The following DMD variants were observed in gnomAD, a reference collection of about 807,000 sequenced individuals.
DMD encodes dystrophin, also known as mutant dystrophin.
Under a neutral mutation model 330.1 loss-of-function variants are expected in DMD, and 63 were observed. That is an observed-to-expected ratio of 0.19 (90% CI 0.16 to 0.24). DMD has a LOEUF of 0.24. Among genes scored for constraint, DMD ranks in the 10% least tolerant of loss-of-function variants. DMD has a pLI of 1.00. For synonymous variants in DMD, 1,223 were observed against 959.8 expected (o/e 1.27, Z -5.07); for missense variants, 3,344 against 2,684.1 (o/e 1.25, Z -5.43).
At chrX:33,094,604 C>G (rs2095130667) in intron 1 of DMD, among the ~76,000 whole-genome samples, 1 of 110,841 alleles carries the variant, frequency 9.0e-6, no homozygotes, top group Admixed American at 9.6e-5. Flanking sequence ...GTCAGGAGTT[C>G]AAGACCAGCC....
At chrX:31,206,772 G>T in intron 65 of DMD, 105 bp from the exon 66 acceptor site, 1 of 627,743 alleles carries the variant, frequency 1.6e-6, no homozygotes. Flanking sequence ...AAGGAGTAAA[G>T]TGCTCAATGA....
chrX:32,580,538 A>G (rs1192838980), intron 13 of DMD, among the ~76,000 whole-genome samples: 1 of 111,803 alleles, frequency 8.9e-6, no homozygotes, highest in African/African-American at 3.3e-5. Context: ...GGTCAGATAG[A>G]TCAATAAATG....
intron 44 of DMD, among the ~76,000 whole-genome samples, chrX:32,141,657 A>C (rs1402865552): frequency 2.1e-5 from 2 of 95,609 alleles, no homozygotes; most frequent in Non-Finnish European, 4.1e-5. Context: ...AAAATCCAGA[A>C]TTCAATATAA....
chrX:32,404,625 G>T (rs761508425), intron 30 of DMD, among the ~76,000 whole-genome samples: 8 of 111,463 alleles, frequency 7.2e-5, no homozygotes, highest in Non-Finnish European at 1.1e-4. Context: ...CTTTCAACAG[G>T]TGCCCATGTT....
rs1602366168 is a variant in DMD at position 31,384,279 on chromosome X, C to T, written c.9085-35645G>A. On this transcript the variant is annotated intron_variant, in intron 60 of 78. Transcript: ENST00000357033. ...AGCGGCTATGCAGTCCAGTTCCCGC[C>T]CGCGAGGGGATCAGGGTAATATCCT... 2.7e-5 allele frequency among the ~76,000 whole-genome samples: 3 copies of T among 109,843 alleles called. No homozygotes were observed. The South Asian group carries it at 1.2e-3, about 43-fold the overall frequency.
At chrX:32,453,656 T>C (rs1385988826) in intron 26 of DMD, among the ~76,000 whole-genome samples, 2 of 110,867 alleles carry the variant, frequency 1.8e-5, no homozygotes, top group African/African-American at 6.5e-5. Context: ...TCATATTTCA[T>C]CCCTCTAATG....
rs779732706 is a variant in DMD at position 31,598,486 on chromosome X, G to A, written c.8217+29187C>T. Among the ~76,000 whole-genome samples, 6 of 111,334 alleles carry A rather than the reference G, an allele frequency of 5.4e-5. No individual in the cohort carries two copies. In the Admixed American group the frequency reaches 5.8e-4, roughly 11 times the overall value. ...AATACTCACTATTTGCTTTTCAATTGCTTGCTCTGAAGAGCACAATGCTTT... is the reference window on the plus strand; with the variant it reads ...AATACTCACTATTTGCTTTTCAATTACTTGCTCTGAAGAGCACAATGCTTT... On this transcript the variant is annotated intron_variant, in intron 55 of 78. Transcript: ENST00000357033.
intron 2 of DMD, among the ~76,000 whole-genome samples, chrX:32,979,756 G>A (rs1005100578): frequency 1.8e-5 from 2 of 111,814 alleles, no homozygotes; most frequent in Non-Finnish European, 3.8e-5. Flanking sequence ...TATATAATGG[G>A]AGAAGTAGTC....
At chrX:32,017,359 A>G (rs1016815853) in intron 44 of DMD, among the ~76,000 whole-genome samples, 4 of 112,331 alleles carry the variant, frequency 3.6e-5, no homozygotes, top group African/African-American at 1.3e-4. Flanking sequence ...TGCTCAAAGT[A>G]TTATGAATGT....
At chrX:31,860,216 T>A (rs1287435798) in intron 48 of DMD, among the ~76,000 whole-genome samples, 1 of 112,252 alleles carries the variant, frequency 8.9e-6, no homozygotes, top group East Asian at 2.8e-4. Context: ...AAACTAAAAT[T>A]CTAATATGCA....
At chrX:32,957,731 A>C (rs1272480023) in intron 2 of DMD, among the ~76,000 whole-genome samples, 1 of 112,125 alleles carries the variant, frequency 8.9e-6, no homozygotes, top group African/African-American at 3.2e-5. Flanking sequence ...GGCACAGCCT[A>C]AGATGAAGAA....
At chrX:32,627,332 T>C (rs1020761026) in intron 11 of DMD, among the ~76,000 whole-genome samples, 2 of 103,785 alleles carry the variant, frequency 1.9e-5, no homozygotes, top group Non-Finnish European at 3.8e-5. Context: ...TACTTATTTA[T>C]AAATGACTTC....
intron 37 of DMD, among the ~76,000 whole-genome samples, chrX:32,349,138 T>C (rs1219935621): frequency 9.0e-6 from 1 of 111,562 alleles, no homozygotes; most frequent in Admixed American, 9.6e-5. Flanking sequence ...AATCTATGCT[T>C]TTCAACCTTG....
chrX:32,337,678 T>C lies in DMD; in HGVS notation c.5922+4422A>G, dbSNP rs1486152694. On this transcript the variant is annotated intron_variant, in intron 41 of 78. Transcript: ENST00000357033. ...TTGCCATTATCTCGAATAAGTCTTGTTTTTATCTCCCTTTACATAGCATAT... is the reference window on the plus strand; with the variant it reads ...TTGCCATTATCTCGAATAAGTCTTGCTTTTATCTCCCTTTACATAGCATAT... Among the ~76,000 whole-genome samples the C allele has an allele frequency of 2.7e-5, 3 of 110,666 alleles. No homozygotes were observed. The East Asian group carries it at 8.5e-4, about 31-fold the overall frequency.
intron 1 of DMD, among the ~76,000 whole-genome samples, chrX:33,305,439 G>T (rs1301494573): frequency 1.3e-5 from 1 of 74,188 alleles, no homozygotes; most frequent in East Asian, 4.5e-4. Context: ...AGGGGGGAGG[G>T]ATAGCATTAG....
At chrX:32,580,506 C>A (rs1459560113) in intron 13 of DMD, among the ~76,000 whole-genome samples, 1 of 111,889 alleles carries the variant, frequency 8.9e-6, no homozygotes, top group Non-Finnish European at 1.9e-5. Flanking sequence ...AGTACAGACT[C>A]TCCTAGACAG....
intron 47 of DMD, among the ~76,000 whole-genome samples, chrX:31,896,680 T>A (rs1041411042): frequency 9.0e-6 from 1 of 111,723 alleles, no homozygotes; most frequent in African/African-American, 3.2e-5. Flanking sequence ...TAGAAAACCA[T>A]TTCATTCAGT....
intron 55 of DMD, among the ~76,000 whole-genome samples, chrX:31,580,393 A>C (rs1231481202): frequency 9.0e-6 from 1 of 111,663 alleles, no homozygotes; most frequent in Non-Finnish European, 1.9e-5. Flanking sequence ...AGGGATGTTC[A>C]AGATGTGAGC....
chrX:32,703,351 C>A (rs1959442510), intron 7 of DMD, among the ~76,000 whole-genome samples: 1 of 111,289 alleles, frequency 9.0e-6, no homozygotes, highest in African/African-American at 3.3e-5. Context: ...TACTATGTTG[C>A]ATTTTTTTGT....
Sources: allele counts gnomAD v4.1 joint callset (sites outside exome capture counted in the v4.1 genomes callset), GRCh38; gene constraint gnomAD v4.1.1; transcripts MANE v1.5; gene names NCBI Gene and HGNC (gene_info 2026-07-23, HGNC 2026-07-21).